SULT1B1: variants seen among roughly 807,000 people sequenced by gnomAD.
SULT1B1 encodes sulfotransferase family 1B member 1, also known as sulfotransferase 1B1.
SULT1B1 carries 28 observed loss-of-function variants against 34.6 expected under a neutral mutation model. That is an observed-to-expected ratio of 0.81 (90% CI 0.60 to 1.11). The LOEUF is 1.11. SULT1B1 is among the 50% of genes least tolerant of loss of function. SULT1B1 has a pLI of 0.00. For synonymous variants in SULT1B1, 147 were observed against 110.2 expected, an observed-to-expected ratio of 1.33 and a Z score of -2.09; for missense variants, 374 against 352.2, an observed-to-expected ratio of 1.06 and a Z score of -0.50.
At chr4:69,758,842 T>G (rs1719289423) in intron 1 of SULT1B1, among the ~76,000 whole-genome samples, 1 of 152,190 alleles carries the variant, frequency 6.6e-6, no homozygotes, top group Non-Finnish European at 1.5e-5. Flanking sequence ...TACTATTCTT[T>G]TATATGCATA....
At chr4:69,733,562 G>C in intron 5 of SULT1B1, 55 bp from the exon 6 acceptor site, 1 of 1,287,568 alleles carries the variant, frequency 7.8e-7, no homozygotes, top group Non-Finnish European at 1.1e-6. Flanking sequence ...AAATATTTCT[G>C]TCTGAATAGT....
At position 69,734,273 on chromosome 4, in the gene SULT1B1, G is replaced by C. The variant is rs1287979302; in HGVS notation, c.376-9C>G. 6.2e-7 allele frequency: 1 copy of C among 1,607,546 alleles called. No individual in the cohort carries two copies. Among genetic ancestry groups the C allele is most frequent in the Non-Finnish European group, 8.5e-7 (1 of 1,177,300 alleles). On this transcript the variant is annotated splice_polypyrimidine_tract_variant and intron_variant, in intron 4 of 7. Transcript: ENST00000310613. ...CGAGCCAGATAAATCATCTGCAGTG[G>C]GGGGTGGGGGTAGGAGAAAAAAATA... is the stretch of plus-strand genomic sequence containing the variant.
rs1196534025 is a variant in SULT1B1 at position 69,725,502 on chromosome 4, C to T, written c.*1586G>A. On this transcript the variant is annotated 3_prime_UTR_variant, in exon 8 of 8. Coordinates refer to ENST00000310613, the MANE Select transcript of SULT1B1 (RefSeq NM_014465.4). ...TCTAGAACTAGAAATACCATTTGAC[C>T]CAGCCATCCCATTACTGGGTATATA... The T allele has an allele frequency of 1.3e-5, 2 of 152,046 alleles. No homozygotes were observed. The highest frequency in any genetic ancestry group is 2.9e-5 in the Non-Finnish European group (2 of 68,008). The allele number at this position is 152,046 out of a possible 1,614,324, so 9.4% of individuals were successfully genotyped here. A position where few individuals can be genotyped will look rare whatever the true frequency, so the allele number is the denominator to read the frequency against.
chr4:69,728,399 A>C (rs1717922791), intron 7 of SULT1B1, among the ~76,000 whole-genome samples: 1 of 152,046 alleles, frequency 6.6e-6, no homozygotes, highest in Non-Finnish European at 1.5e-5. Flanking sequence ...TGATTTATCT[A>C]ATATGGCATC....
chr4:69,758,768 G>C (rs918088007), intron 1 of SULT1B1, among the ~76,000 whole-genome samples: 2 of 151,978 alleles, frequency 1.3e-5, no homozygotes, highest in Admixed American at 1.3e-4. Flanking sequence ...ATCATTTCTG[G>C]TTCCATTTCA....
At chr4:69,740,599 T>C (rs550997055) in intron 4 of SULT1B1, among the ~76,000 whole-genome samples, 36 of 152,308 alleles carry the variant, frequency 2.4e-4, no homozygotes, top group African/African-American at 8.7e-4. Context: ...GGTTGATTCC[T>C]TTGCTACTGT....
intron 7 of SULT1B1, among the ~76,000 whole-genome samples, chr4:69,728,405 G>A (rs1453126850): frequency 2.6e-5 from 4 of 152,036 alleles, no homozygotes; most frequent in Non-Finnish European, 5.9e-5. Context: ...ATCTAATATG[G>A]CATCTTTCAA....
rs1009250395 is a variant in SULT1B1 at position 69,725,597 on chromosome 4, A to G, written c.*1491T>C. 21 of 152,248 alleles carry G rather than the reference A, an allele frequency of 1.4e-4. No homozygotes were observed. Among genetic ancestry groups the G allele is most frequent in the Non-Finnish European group, 3.1e-4 (21 of 68,012 alleles). The allele number at this position is 152,248 out of a possible 1,614,324, so 9.4% of individuals were successfully genotyped here. A position where few individuals can be genotyped will look rare whatever the true frequency, so the allele number is the denominator to read the frequency against. On this transcript the variant is annotated 3_prime_UTR_variant, in exon 8 of 8. Coordinates refer to ENST00000310613, the MANE Select transcript of SULT1B1 (RefSeq NM_014465.4). ...GTATATTTATTGCGGCACTATTCAC[A>G]ATAGCAAAGACTTGGAACCAACCCA...
intron 6 of SULT1B1, among the ~76,000 whole-genome samples, chr4:69,733,120 T>C (rs1219734830): frequency 6.6e-6 from 1 of 152,146 alleles, no homozygotes; most frequent in African/African-American, 2.4e-5. Context: ...AATGAGTAGA[T>C]ATCTAAGGAT....
At chr4:69,757,594 A>T (rs1356806200) in intron 1 of SULT1B1, among the ~76,000 whole-genome samples, 1 of 152,126 alleles carries the variant, frequency 6.6e-6, no homozygotes, top group African/African-American at 2.4e-5. Flanking sequence ...CTACACACAC[A>T]CACACAAAAT....
At chr4:69,754,536 G>T (rs1222600630) in intron 3 of SULT1B1, 134 bp downstream of exon 3, 24 of 818,286 alleles carry the variant, frequency 2.9e-5, no homozygotes, top group Non-Finnish European at 4.2e-5. Flanking sequence ...TTATTCTTCA[G>T]TTTTATATTG....
intron 4 of SULT1B1, among the ~76,000 whole-genome samples, chr4:69,740,187 C>T (rs1042174247): frequency 2.6e-5 from 4 of 152,212 alleles, no homozygotes; most frequent in African/African-American, 9.6e-5. Flanking sequence ...AGTAGTGCCC[C>T]ACTACCTCAG....
At chr4:69,751,486 C>T (rs2110030020) in intron 3 of SULT1B1, among the ~76,000 whole-genome samples, 1 of 152,328 alleles carries the variant, frequency 6.6e-6, no homozygotes, top group Admixed American at 6.5e-5. Context: ...GAGTCTCACT[C>T]TGTCGCCCAG....
chr4:69,734,907 C>T (rs1718240837), intron 4 of SULT1B1, among the ~76,000 whole-genome samples: 1 of 151,506 alleles, frequency 6.6e-6, no homozygotes, highest in East Asian at 2.0e-4. Context: ...CAAGCTCCGC[C>T]TCCCAGGTTC....
rs1438356310 is a variant in SULT1B1, at chr4:69,749,799, C to A, written c.297G>T (p.Lys99Asn). ...TTTTCACAATCCGGGGTGATGGATTCTTCTCCAATTGTTCTATACCTGAGA... is the reference window on the plus strand; with the variant it reads ...TTTTCACAATCCGGGGTGATGGATTATTCTCCAATTGTTCTATACCTGAGA... The part of the protein sequence containing the change: ...LRTSGIEQLE[K>N]NPSPRIVKTH... The change falls in exon 4 of 8, where the codon AAG becomes AAT. Residue 99 changes from lysine to asparagine, a missense_variant. Physicochemically the swap from Lys to Asn is moderately conservative, Grantham distance 94 (BLOSUM62 0). Transcript: ENST00000310613. 3 of 1,613,334 alleles carry A rather than the reference C, an allele frequency of 1.9e-6. No homozygotes were observed. Among genetic ancestry groups the A allele is most frequent in the Middle Eastern group, 1.7e-4 (1 of 6,058 alleles).
chr4:69,743,952 G>A (rs1718651557), intron 4 of SULT1B1, among the ~76,000 whole-genome samples: 1 of 152,170 alleles, frequency 6.6e-6, no homozygotes, highest in Non-Finnish European at 1.5e-5. Context: ...TTCCCAGGAA[G>A]GCAGTGCTCC....
At chr4:69,756,209 G>A (rs1198895374) in intron 1 of SULT1B1, among the ~76,000 whole-genome samples, 1 of 151,894 alleles carries the variant, frequency 6.6e-6, no homozygotes, top group Admixed American at 6.6e-5. Context: ...TTTAACATCT[G>A]GGTAATTCTA....
At chr4:69,733,123 C>T (rs1470508898) in intron 6 of SULT1B1, among the ~76,000 whole-genome samples, 1 of 151,960 alleles carries the variant, frequency 6.6e-6, no homozygotes, top group Non-Finnish European at 1.5e-5. Flanking sequence ...GAGTAGATAT[C>T]TAAGGATAAC....
chr4:69,742,456 T>C (rs558712258), intron 4 of SULT1B1, among the ~76,000 whole-genome samples: 80 of 152,334 alleles, frequency 5.3e-4, no homozygotes, highest in African/African-American at 1.9e-3. Context: ...TAGTTCTTTT[T>C]TTGTACATCT....
Sources: allele counts gnomAD v4.1 joint callset (sites outside exome capture counted in the v4.1 genomes callset), GRCh38; gene constraint gnomAD v4.1.1; transcripts MANE v1.5; gene names NCBI Gene and HGNC (gene_info 2026-07-23, HGNC 2026-07-21).